Variants in COL9A3 observed in about 807,000 individuals in gnomAD.
The protein encoded by COL9A3 is collagen alpha-3(IX) chain.
Under a neutral mutation model 110.2 loss-of-function variants are expected in COL9A3, and 82 were observed. That is an observed-to-expected ratio of 0.74 (90% CI 0.62 to 0.89). The LOEUF is 0.89. Ranked by LOEUF, COL9A3 falls within the 40% of genes least tolerant of loss-of-function variation. COL9A3 has a pLI of 0.00. For missense variants in COL9A3, 1,066 were observed against 981.3 expected (o/e 1.09, Z -1.15); for synonymous variants, 494 against 403.8 (o/e 1.22, Z -2.68).
intron 5 of COL9A3, 60 bp from the exon 6 acceptor site, chr20:62,821,121 G>A (rs1288136461): frequency 1.3e-6 from 2 of 1,550,890 alleles, no homozygotes; most frequent in African/African-American, 2.7e-5. Context: ...TTCAGAGGGA[G>A]GGGATTGGGT....
chr20:62,817,967 G>A (rs780561110), intron 2 of COL9A3: 6 of 419,478 alleles, frequency 1.4e-5, no homozygotes, highest in Admixed American at 3.5e-5. Context: ...GGGTGGTTGG[G>A]GGCCGGGGGT....
chr20:62,840,217 A>G (rs1416663709), intron 31 of COL9A3, among the ~76,000 whole-genome samples: 14 of 125,112 alleles, frequency 1.1e-4, no homozygotes, highest in Non-Finnish European at 2.1e-4. Flanking sequence ...ACAACCCCCC[A>G]CTCCGGGCCC....
intron 24 of COL9A3, chr20:62,831,950 G>T: frequency 1.5e-6 from 1 of 646,492 alleles, no homozygotes; most frequent in East Asian, 2.7e-5. Context: ...CCCACAAGGG[G>T]AGGCTGGACA....
intron 6 of COL9A3, 29 bp downstream of exon 6, chr20:62,821,245 C>T (rs376287428): frequency 4.5e-5 from 73 of 1,609,740 alleles, no homozygotes; most frequent in Non-Finnish European, 5.9e-5. Flanking sequence ...CCTCTCCTCT[C>T]CATGGGAGTT....
At chr20:62,819,156 A>T (rs185777418) in intron 3 of COL9A3, 66 bp from the exon 4 acceptor site, 6 of 1,508,280 alleles carry the variant, frequency 4.0e-6, no homozygotes, top group Non-Finnish European at 9.2e-7. Context: ...ATTTTGCTTC[A>T]TTGCTGAAGG....
intron 26 of COL9A3, among the ~76,000 whole-genome samples, chr20:62,834,806 C>T (rs1463064706): frequency 1.3e-5 from 2 of 152,110 alleles, no homozygotes; most frequent in African/African-American, 4.8e-5. Flanking sequence ...TCACACCCGG[C>T]TAATTTTTGT....
intron 14 of COL9A3, among the ~76,000 whole-genome samples, chr20:62,826,561 C>T (rs2063554874): frequency 6.6e-6 from 1 of 152,224 alleles, no homozygotes; most frequent in South Asian, 2.1e-4. Flanking sequence ...CACACGGTCC[C>T]AGGCTGCTGT....
intron 26 of COL9A3, 98 bp downstream of exon 26, chr20:62,833,162 T>G (rs1158493626): frequency 4.0e-6 from 4 of 1,009,052 alleles, no homozygotes; most frequent in Non-Finnish European, 6.3e-6. Flanking sequence ...AATCTGCAGC[T>G]CCCGGTGGAA....
intron 25 of COL9A3, chr20:62,832,709 C>A: frequency 3.9e-6 from 1 of 259,020 alleles, no homozygotes; most frequent in Admixed American, 6.5e-5. Context: ...CCTGCTCTCA[C>A]TTCTAGGCAC....
chr20:62,835,457 A>C (rs1263366163), intron 26 of COL9A3, among the ~76,000 whole-genome samples: 17 of 152,062 alleles, frequency 1.1e-4, no homozygotes, highest in Non-Finnish European at 1.5e-5. Flanking sequence ...AAACCTAATC[A>C]CCTCTTAATA....
upstream of COL9A3, among the ~76,000 whole-genome samples, chr20:62,816,890 C>A (rs1990933311): frequency 6.6e-6 from 1 of 150,544 alleles, no homozygotes; most frequent in Non-Finnish European, 1.5e-5. Flanking sequence ...TTCGCCCAGG[C>A]GGGCTGGGCG....
chr20:62,837,406 C>G, intron 30 of COL9A3, 141 bp downstream of exon 30: 1 of 831,354 alleles, frequency 1.2e-6, no homozygotes, highest in South Asian at 1.5e-5. Flanking sequence ...GTTTTGGGGC[C>G]TAGCGCAGTT....
rs2063668975 is a variant in COL9A3, at chr20:62,840,550, G to C, written c.1873G>C (p.Gly625Arg). The change falls in exon 32 of 32, where the codon GGC becomes CGC. Residue 625 changes from glycine (G) to arginine (R), a missense_variant. Gly to Arg is a moderately radical substitution (Grantham distance 125, BLOSUM62 -2). Coordinates refer to ENST00000649368, the MANE Select transcript of COL9A3 (RefSeq NM_001853.4). ...EGDQGPQGPQ[G>R]VPGTSKDGQD... The stretch of plus-strand genomic sequence containing the variant: ...TTCTGCTCTGTCCCAAGGACCCCAA[G>C]GCGTGCCCGGCACCAGCAAGGACGG... The C allele has an allele frequency of 6.2e-7, 1 of 1,611,896 alleles. No homozygotes were observed. Among genetic ancestry groups the C allele is most frequent in the Non-Finnish European group, 8.5e-7 (1 of 1,179,812 alleles).
rs2063567296 is a variant in COL9A3 at position 62,827,949 on chromosome 20, C to CGGA, written c.875_877dup (p.Gly292dup). Reference sequence around the variant, plus strand: ...GCAGACCTGGTCCCAAGGGAACCCCCGGAGTGGCCGGGCCAAGCGGAGAGC... The same window carrying CGGA: ...GCAGACCTGGTCCCAAGGGAACCCCCGGAGGAGTGGCCGGGCCAAGCGGAGAGC... On this transcript the variant is annotated inframe_insertion, in exon 17 of 32. Transcript: ENST00000649368. The CGGA allele has an allele frequency of 6.2e-7, 1 of 1,612,846 alleles. No homozygotes were observed. Among genetic ancestry groups the CGGA allele is most frequent in the Admixed American group, 1.7e-5 (1 of 59,998 alleles).
intron 31 of COL9A3, among the ~76,000 whole-genome samples, chr20:62,840,290 T>C (rs956430273): frequency 3.3e-5 from 5 of 150,616 alleles, no homozygotes; most frequent in African/African-American, 9.8e-5. Context: ...TAAGTCAGAG[T>C]GCGGGTGTCC....
chr20:62,826,891 A>G, intron 15 of COL9A3, 71 bp downstream of exon 15: 1 of 1,540,052 alleles, frequency 6.5e-7, no homozygotes, highest in Non-Finnish European at 8.8e-7. Context: ...CTCCTCTCAG[A>G]CGCCCCCAGC....
Position 62,837,167 on chromosome 20 carries a change from GGCC to G in COL9A3, c.1689_1691del (p.Pro565del). 1 of 1,612,988 alleles carries G rather than the reference GGCC, an allele frequency of 6.2e-7. No homozygotes were observed. The highest frequency in any genetic ancestry group is 2.2e-5 in the East Asian group (1 of 44,880). ...CGGCCCGGTCCAGCTGGCCCCCCTGGGCCCCCAGGACCCCCAGGCTCCATTGGT... is the reference window on the plus strand; with the variant it reads ...CGGCCCGGTCCAGCTGGCCCCCCTGGCCCAGGACCCCCAGGCTCCATTGGT... On this transcript the variant is annotated inframe_deletion, in exon 30 of 32. Transcript: ENST00000649368.
At chr20:62,829,940 C>T in intron 22 of COL9A3, 121 bp downstream of exon 22, 4 of 1,310,158 alleles carry the variant, frequency 3.1e-6, no homozygotes, top group Middle Eastern at 2.7e-4. Flanking sequence ...CCACAAAAGC[C>T]TAGGATGCCA....
chr20:62,828,414 G>T (rs905375739), intron 17 of COL9A3, among the ~76,000 whole-genome samples: 9 of 152,224 alleles, frequency 5.9e-5, no homozygotes, highest in African/African-American at 2.2e-4. Flanking sequence ...TCCAAAACCA[G>T]TCCAGGGTGG....
Sources: allele counts gnomAD v4.1 joint callset (sites outside exome capture counted in the v4.1 genomes callset), GRCh38; gene constraint gnomAD v4.1.1; transcripts MANE v1.5; gene names NCBI Gene and HGNC (gene_info 2026-07-23, HGNC 2026-07-21).